Variants in COMMD10 observed in about 807,000 individuals in gnomAD.
COMMD10 encodes the protein COMM domain-containing protein 10.
A neutral mutation model predicts 28.9 loss-of-function variants in COMMD10; 33 were observed. That is an observed-to-expected ratio of 1.14 (90% CI 0.87 to 1.53). The LOEUF (loss-of-function observed/expected upper bound fraction) is 1.53, where lower values mean the gene tolerates loss of function less well. Ranked by LOEUF, COMMD10 falls within the 40% of genes most tolerant of loss-of-function variation. The pLI is 0.00. For synonymous variants in COMMD10, 110 were observed against 81.7 expected (o/e 1.35, Z -1.87); for missense variants, 310 against 233.4 (o/e 1.33, Z -2.14).
intron 4 of COMMD10, among the ~76,000 whole-genome samples, chr5:116,128,839 T>G (rs1345190749): frequency 6.6e-6 from 1 of 152,048 alleles, no homozygotes; most frequent in Non-Finnish European, 1.5e-5. Flanking sequence ...CTGTTGTTAA[T>G]TCATGATCAG....
chr5:116,226,945 C>G (rs12519989), intron 5 of COMMD10, among the ~76,000 whole-genome samples: 15,918 of 152,064 alleles, frequency 0.1, 926 homozygotes, highest in African/African-American at 0.15. Context: ...TCTCCCATTT[C>G]ACTCTCATTT....
chr5:116,248,963 A>G (rs923200181), intron 5 of COMMD10, among the ~76,000 whole-genome samples: 4 of 152,006 alleles, frequency 2.6e-5, no homozygotes, highest in African/African-American at 4.8e-5. Context: ...TCAAGTAATA[A>G]TAAGTAACAG....
At chr5:116,194,904 C>A (rs1021411332) in intron 5 of COMMD10, among the ~76,000 whole-genome samples, 6 of 152,042 alleles carry the variant, frequency 3.9e-5, no homozygotes, top group African/African-American at 1.4e-4. Flanking sequence ...AACATAGATG[C>A]TAAAATCCTT....
chr5:116,115,767 T>A (rs143653859), intron 4 of COMMD10, among the ~76,000 whole-genome samples: 14 of 152,330 alleles, frequency 9.2e-5, no homozygotes, highest in Admixed American at 1.3e-4. Context: ...CATCAATGTA[T>A]CTTTTCTGGG....
chr5:116,236,101 A>G (rs1258776250), intron 5 of COMMD10, among the ~76,000 whole-genome samples: 2 of 152,116 alleles, frequency 1.3e-5, no homozygotes, highest in Non-Finnish European at 2.9e-5. Context: ...GAAGAAGTAG[A>G]GCAGAGGAGG....
At chr5:116,148,996 C>G (rs1278961227) in intron 5 of COMMD10, among the ~76,000 whole-genome samples, 1 of 104,842 alleles carries the variant, frequency 9.5e-6, no homozygotes, top group Admixed American at 1.2e-4. Flanking sequence ...AGCTATCCCT[C>G]CCCCCTCCCC....
At position 116,218,072 on chromosome 5, in the gene COMMD10, A is replaced by T; in HGVS notation, c.511-73445A>T. The T allele has an allele frequency of 2.4e-6, 3 of 1,230,128 alleles. No individual in the cohort carries two copies. The South Asian group carries it at 3.6e-5, about 15-fold the overall frequency. 76.2% of individuals were successfully genotyped at this position (1,230,128 alleles called of 1,614,324 possible). ...AGCTTTCTGTGCCTGATCTGTTTTG[A>T]CATCTCCATTTTCTGCAGGGTTATT... On this transcript the variant is annotated intron_variant, in intron 5 of 6. Coordinates refer to ENST00000274458, the MANE Select transcript of COMMD10 (RefSeq NM_016144.4).
intron 5 of COMMD10, among the ~76,000 whole-genome samples, chr5:116,143,326 A>C (rs977976827): frequency 6.6e-6 from 1 of 151,762 alleles, no homozygotes; most frequent in Non-Finnish European, 1.5e-5. Context: ...TGAAGAGTGA[A>C]AATACACAAT....
intron 5 of COMMD10, among the ~76,000 whole-genome samples, chr5:116,283,119 A>G (rs72808917): frequency 0.06 from 9,114 of 151,904 alleles, 357 homozygotes; most frequent in East Asian, 0.14. Flanking sequence ...TTACATATAA[A>G]TGCTTTTATC....
Position 116,292,435 on chromosome 5 carries a change from TTG to T in COMMD10, c.571-14_571-13del, listed in dbSNP as rs374981242. The T allele has an allele frequency of 4.7e-3, 6,790 of 1,439,872 alleles. 11 individuals are homozygous for T. Among genetic ancestry groups the T allele is most frequent in the Admixed American group, 9.8e-3 (423 of 43,032 alleles). The allele number at this position is 1,439,872 out of a possible 1,614,324, so 89.2% of individuals were successfully genotyped here. A position where few individuals can be genotyped will look rare whatever the true frequency, so the allele number is the denominator to read the frequency against. On this transcript the variant is annotated splice_polypyrimidine_tract_variant and intron_variant, in intron 6 of 6. Coordinates refer to ENST00000274458, the MANE Select transcript of COMMD10 (RefSeq NM_016144.4). ...CCTTCACTAACGTCTTTTTTTTTTTTTGTCTTTGTAAATAGCTAGAGACTATA... is the reference window on the plus strand; with the variant it reads ...CCTTCACTAACGTCTTTTTTTTTTTTTCTTTGTAAATAGCTAGAGACTATA...
chr5:116,254,303 T>G (rs1457300686), intron 5 of COMMD10, among the ~76,000 whole-genome samples: 1 of 152,222 alleles, frequency 6.6e-6, no homozygotes, highest in Non-Finnish European at 1.5e-5. Flanking sequence ...TTCCTTCAGT[T>G]CTGCTCTGAT....
At chr5:116,280,881 A>C (rs73261052) in intron 5 of COMMD10, among the ~76,000 whole-genome samples, 4,828 of 151,954 alleles carry the variant, frequency 0.032, 337 homozygotes, top group African/African-American at 0.11. Flanking sequence ...TTATAAACTC[A>C]TTCAGTAAGA....
chr5:116,127,609 A>G (rs1751703957), intron 4 of COMMD10, among the ~76,000 whole-genome samples: 2 of 152,240 alleles, frequency 1.3e-5, no homozygotes, highest in African/African-American at 2.4e-5. Context: ...AAAAAGGATG[A>G]GTTCATGTCC....
chr5:116,087,948 G>A (rs530978801), intron 2 of COMMD10, among the ~76,000 whole-genome samples: 2 of 152,096 alleles, frequency 1.3e-5, no homozygotes, highest in Non-Finnish European at 2.9e-5. Context: ...GAAAAATTCT[G>A]ATGTCTTGGT....
At chr5:116,133,622 A>C (rs2112771912) in intron 4 of COMMD10, among the ~76,000 whole-genome samples, 1 of 152,312 alleles carries the variant, frequency 6.6e-6, no homozygotes, top group South Asian at 2.1e-4. Context: ...CCTGTATAGT[A>C]CCTACGCAAA....
At chr5:116,148,513 A>T (rs781542731) in intron 5 of COMMD10, among the ~76,000 whole-genome samples, 1 of 151,930 alleles carries the variant, frequency 6.6e-6, no homozygotes, top group Non-Finnish European at 1.5e-5. Context: ...ATCCCAGGAT[A>T]ACACCTTTGT....
chr5:116,224,737 G>T (rs1749349342), intron 5 of COMMD10, among the ~76,000 whole-genome samples: 1 of 152,140 alleles, frequency 6.6e-6, no homozygotes, highest in Admixed American at 6.5e-5. Context: ...ATGAGGTTTG[G>T]AGGGGACAAA....
At chr5:116,238,258 G>C (rs911596278) in intron 5 of COMMD10, among the ~76,000 whole-genome samples, 3 of 152,140 alleles carry the variant, frequency 2.0e-5, no homozygotes, top group Admixed American at 6.5e-5. Flanking sequence ...GATTGTTCTT[G>C]GCATTGGTGA....
intron 4 of COMMD10, among the ~76,000 whole-genome samples, chr5:116,114,955 G>C (rs775611732): frequency 2.0e-5 from 3 of 152,070 alleles, no homozygotes; most frequent in Admixed American, 1.3e-4. Flanking sequence ...TGGAGTTTAT[G>C]TCACGCTTGC....
Sources: allele counts gnomAD v4.1 joint callset (sites outside exome capture counted in the v4.1 genomes callset), GRCh38; gene constraint gnomAD v4.1.1; transcripts MANE v1.5; gene names NCBI Gene and HGNC (gene_info 2026-07-23, HGNC 2026-07-21).